Variants in MCC observed in about 807,000 individuals in gnomAD.
The protein encoded by MCC is MCC regulator of Wnt signaling pathway.
A neutral mutation model predicts 116.2 loss-of-function variants in MCC; 90 were observed. The ratio of observed to expected loss-of-function variants is 0.77; its 90% CI spans 0.65 to 0.92. The LOEUF is 0.92. Among genes scored for constraint, MCC ranks in the 40% least tolerant of loss-of-function variants. MCC has a pLI of 0.00. For missense variants in MCC, 1,516 were observed against 1,312.2 expected (o/e 1.16, Z -2.40); for synonymous variants, 578 against 510.5 (o/e 1.13, Z -1.78).
chr5:113,161,042 T>C (rs1361955922), intron 3 of MCC, among the ~76,000 whole-genome samples: 1 of 152,214 alleles, frequency 6.6e-6, no homozygotes, highest in Non-Finnish European at 1.5e-5. Context: ...TATACAAATA[T>C]TGTAAGACAA....
chr5:113,451,235 C>A (rs758056643), intron 1 of MCC, among the ~76,000 whole-genome samples: 1 of 152,234 alleles, frequency 6.6e-6, no homozygotes, highest in South Asian at 2.1e-4. Context: ...CACTAGAAAG[C>A]TTTCCCTTGC....
At chr5:113,093,737 G>A (rs1755812044) in intron 8 of MCC, among the ~76,000 whole-genome samples, 1 of 152,078 alleles carries the variant, frequency 6.6e-6, no homozygotes, top group South Asian at 2.1e-4. Flanking sequence ...AGAGTCAGCT[G>A]ATGAAGTCAT....
chr5:113,424,022 G>C (rs773028099), intron 1 of MCC, among the ~76,000 whole-genome samples: 3 of 151,952 alleles, frequency 2.0e-5, no homozygotes, highest in Non-Finnish European at 2.9e-5. Flanking sequence ...TACTGCCTGG[G>C]CCAAAAGAAA....
intron 6 of MCC, among the ~76,000 whole-genome samples, chr5:113,120,295 T>C (rs1757659320): frequency 6.6e-6 from 1 of 151,952 alleles, no homozygotes; most frequent in Non-Finnish European, 1.5e-5. Flanking sequence ...TTGCAGGGAG[T>C]TGTGTGTATT....
chr5:113,165,275 G>A (rs1447066448), intron 3 of MCC, among the ~76,000 whole-genome samples: 1 of 152,132 alleles, frequency 6.6e-6, no homozygotes, highest in Non-Finnish European at 1.5e-5. Context: ...CTCCTACTTT[G>A]TCTCTAGAAA....
At chr5:113,175,381 T>C (rs1761281790) in intron 3 of MCC, among the ~76,000 whole-genome samples, 2 of 152,166 alleles carry the variant, frequency 1.3e-5, no homozygotes, top group African/African-American at 4.8e-5. Context: ...ATTCTGCTTA[T>C]CTTAAGACAG....
At chr5:113,160,871 G>A (rs1185405836) in intron 3 of MCC, among the ~76,000 whole-genome samples, 3 of 152,126 alleles carry the variant, frequency 2.0e-5, no homozygotes, top group Non-Finnish European at 4.4e-5. Flanking sequence ...GAAAGTTAAA[G>A]AGGACAAAAT....
chr5:113,083,777 T>A (rs1039042597), intron 10 of MCC, among the ~76,000 whole-genome samples: 1 of 152,178 alleles, frequency 6.6e-6, no homozygotes, highest in Non-Finnish European at 1.5e-5. Flanking sequence ...GAGCTCTTGG[T>A]CTCTGGGGTA....
chr5:113,236,897 C>A (rs1581295191), intron 3 of MCC, among the ~76,000 whole-genome samples: 1 of 152,128 alleles, frequency 6.6e-6, no homozygotes, highest in Non-Finnish European at 1.5e-5. Context: ...CTCTTTTCTT[C>A]CTCGACTGAA....
chr5:113,148,205 C>A (rs1160340338), intron 4 of MCC, among the ~76,000 whole-genome samples: 1 of 152,246 alleles, frequency 6.6e-6, no homozygotes, highest in Non-Finnish European at 1.5e-5. Context: ...TGATGCATGT[C>A]TGTGCCCGTA....
intron 16 of MCC, chr5:113,048,870 A>C (rs781271257): frequency 5.1e-6 from 3 of 589,334 alleles, no homozygotes; most frequent in African/African-American, 1.9e-5. Context: ...GATATGTGAA[A>C]AGGTTCAACT....
intron 2 of MCC, among the ~76,000 whole-genome samples, chr5:113,379,149 G>A (rs1769052041): frequency 6.6e-6 from 1 of 152,154 alleles, no homozygotes; most frequent in Non-Finnish European, 1.5e-5. Context: ...GCCTCTGGGT[G>A]GCAGTGTTAT....
In MCC at chr5:113,133,419, T is replaced by C. The variant is rs189206023; in HGVS notation, c.884+9799A>G. The stretch of plus-strand genomic sequence containing the variant: ...TTTTTGTGCTTTCTGGCTTTTTTCA[T>C]GTAACATAGCAACCTCCAGTTCCAT... On this transcript the variant is annotated intron_variant, in intron 5 of 18. Transcript: ENST00000408903. Among the ~76,000 whole-genome samples, 6 of 152,304 alleles carry C rather than the reference T, an allele frequency of 3.9e-5. No homozygotes were observed. The East Asian group carries it at 1.2e-3, about 29-fold the overall frequency.
At chr5:113,039,007 C>A (rs954036489) in intron 17 of MCC, among the ~76,000 whole-genome samples, 1 of 152,116 alleles carries the variant, frequency 6.6e-6, no homozygotes, top group Non-Finnish European at 1.5e-5. Context: ...ACCGCAGCCT[C>A]CTGGAGGGCA....
At chr5:113,080,307 A>G (rs1754762653) in intron 11 of MCC, among the ~76,000 whole-genome samples, 1 of 152,256 alleles carries the variant, frequency 6.6e-6, no homozygotes, top group Non-Finnish European at 1.5e-5. Context: ...TACTGAGCAT[A>G]TGCCTAAAGG....
chr5:113,193,098 C>T (rs987702440), intron 3 of MCC, among the ~76,000 whole-genome samples: 1 of 152,128 alleles, frequency 6.6e-6, no homozygotes, highest in Non-Finnish European at 1.5e-5. Flanking sequence ...CTCGTGGCCC[C>T]TTCATATTCA....
At chr5:113,036,673 C>T (rs978348491) in intron 17 of MCC, among the ~76,000 whole-genome samples, 1 of 152,222 alleles carries the variant, frequency 6.6e-6, no homozygotes, top group Non-Finnish European at 1.5e-5. Flanking sequence ...GGAGTTTTCA[C>T]AGGCCTTGCC....
chr5:113,417,259 C>A (rs1007239952), intron 1 of MCC, among the ~76,000 whole-genome samples: 48 of 152,266 alleles, frequency 3.2e-4, no homozygotes, highest in African/African-American at 1.1e-3. Flanking sequence ...TGAGCCACCG[C>A]ACCCAGCAGT....
intron 3 of MCC, among the ~76,000 whole-genome samples, chr5:113,296,470 A>G (rs937338470): frequency 1.3e-5 from 2 of 152,202 alleles, no homozygotes; most frequent in African/African-American, 4.8e-5. Flanking sequence ...TAGAAGAGGC[A>G]GCATGTGAGT....
Sources: allele counts gnomAD v4.1 joint callset (sites outside exome capture counted in the v4.1 genomes callset), GRCh38; gene constraint gnomAD v4.1.1; transcripts MANE v1.5; gene names NCBI Gene and HGNC (gene_info 2026-07-23, HGNC 2026-07-21).